Variants in RBM19 observed in about 807,000 individuals in gnomAD.
RBM19 encodes the protein RNA binding motif protein 19, also known as probable RNA-binding protein 19.
Under a neutral mutation model 116.8 loss-of-function variants are expected in RBM19, and 94 were observed. That is an observed-to-expected ratio of 0.80 (90% CI 0.68 to 0.95). RBM19 has a LOEUF of 0.95. Among genes scored for constraint, RBM19 ranks in the 40% least tolerant of loss-of-function variants. RBM19 has a pLI of 0.00. For synonymous variants in RBM19, 475 were observed against 494.1 expected (o/e 0.96, Z 0.51); for missense variants, 1,161 against 1,220.7 (o/e 0.95, Z 0.73).
At chr12:113,828,166 AAG>A (rs959333709) in intron 23 of RBM19, among the ~76,000 whole-genome samples, 7 of 151,928 alleles carry the variant, frequency 4.6e-5, no homozygotes, top group Non-Finnish European at 8.8e-5. Context: ...GGGCCCACAG[AAG>A]AGTGTCTGGA....
chr12:113,906,308 T>C (rs532358249), intron 21 of RBM19, among the ~76,000 whole-genome samples: 6 of 152,310 alleles, frequency 3.9e-5, no homozygotes, highest in African/African-American at 4.8e-5. Flanking sequence ...AACTGCAACA[T>C]AGCAAGTGCG....
intron 1 of RBM19, among the ~76,000 whole-genome samples, chr12:113,962,814 C>G (rs1872615159): frequency 6.6e-6 from 1 of 152,154 alleles, no homozygotes; most frequent in Non-Finnish European, 1.5e-5. Flanking sequence ...TAAAGCCCCC[C>G]CAAAAGATGC....
intron 13 of RBM19, among the ~76,000 whole-genome samples, chr12:113,944,823 GTA>G (rs143337732): frequency 0.012 from 1,632 of 137,952 alleles, 12 homozygotes; most frequent in African/African-American, 0.04. Context: ...ATATACATGT[GTA>G]TATATGTATA....
chr12:113,944,481 TAGAC>T (rs1177768604), intron 13 of RBM19, among the ~76,000 whole-genome samples: 1 of 152,042 alleles, frequency 6.6e-6, no homozygotes. Context: ...CAAAGTACCT[TAGAC>T]AAAGTATACT....
chr12:113,923,154 A>G (rs1868738083), intron 18 of RBM19, among the ~76,000 whole-genome samples: 1 of 152,092 alleles, frequency 6.6e-6, no homozygotes, highest in Non-Finnish European at 1.5e-5. Flanking sequence ...AATAAATTAA[A>G]TGCAGTCATT....
chr12:113,915,486 T>C (rs1223305964), intron 20 of RBM19, among the ~76,000 whole-genome samples: 2 of 152,286 alleles, frequency 1.3e-5, no homozygotes, highest in Middle Eastern at 3.4e-3. Flanking sequence ...AGGAGGAACA[T>C]GCGGGGGCCT....
chr12:113,856,702 G>A (rs1409678420), intron 22 of RBM19, among the ~76,000 whole-genome samples: 1 of 152,094 alleles, frequency 6.6e-6, no homozygotes, highest in South Asian at 2.1e-4. Context: ...CCCAGTGGGT[G>A]GCCAAATAAG....
In RBM19 at chr12:113,853,339, C is replaced by T. The variant is rs915321312; in HGVS notation, c.2664+5452G>A. Among the ~76,000 whole-genome samples, 3 of 152,218 alleles carry T rather than the reference C, an allele frequency of 2.0e-5. No individual in the cohort carries two copies. In the South Asian group the frequency reaches 6.2e-4, roughly 32 times the overall value. ...CGCGTCTCCCTACTGCTGGCTCCCCCCAAGTGTTTATTTAAGCCAACACAT... is the reference window on the plus strand; with the variant it reads ...CGCGTCTCCCTACTGCTGGCTCCCCTCAAGTGTTTATTTAAGCCAACACAT... On this transcript the variant is annotated intron_variant, in intron 22 of 23. Transcript: ENST00000261741.
chr12:113,827,053 C>T (rs1302427775), intron 23 of RBM19, among the ~76,000 whole-genome samples: 6 of 152,206 alleles, frequency 3.9e-5, no homozygotes, highest in South Asian at 2.1e-4. Context: ...CCGCACCTCC[C>T]GCTGGCCCTG....
At position 113,940,118 on chromosome 12, in the gene RBM19, G is replaced by T. The variant is rs565989389; in HGVS notation, c.1780C>A (p.Leu594Ile). The stretch of plus-strand genomic sequence containing the variant: ...TGGGCCGCCAGGGTGCCTGCCGGGA[G>T]GTTCTTGACCAGAATCACAGTCTTG... ...RSKTVILVKN[L>I]PAGTLAAQLQ... The change falls in exon 15 of 24, where the codon CTC (leucine) becomes ATC (isoleucine). Residue 594 changes from leucine to isoleucine, a missense_variant. By Grantham distance (5) the Leu-to-Ile change is conservative (BLOSUM62 2). Transcript: ENST00000261741. 5.0e-6 allele frequency: 8 copies of T among 1,614,170 alleles called. No homozygotes were observed. The Admixed American group carries it at 5.0e-5, about 10-fold the overall frequency.
chr12:113,837,937 C>T (rs889537403), intron 23 of RBM19, among the ~76,000 whole-genome samples: 1 of 152,232 alleles, frequency 6.6e-6, no homozygotes, highest in African/African-American at 2.4e-5. Flanking sequence ...TAAACTCCTA[C>T]ACACTAATGT....
At chr12:113,899,243 G>A (rs1881526819) in intron 21 of RBM19, among the ~76,000 whole-genome samples, 1 of 152,210 alleles carries the variant, frequency 6.6e-6, no homozygotes, top group Non-Finnish European at 1.5e-5. Flanking sequence ...CACACAGCTA[G>A]TTAGCAGCAG....
At chr12:113,942,041 C>G (rs1243783037) in intron 14 of RBM19, among the ~76,000 whole-genome samples, 1 of 152,116 alleles carries the variant, frequency 6.6e-6, no homozygotes, top group East Asian at 1.9e-4. Context: ...CTCTGGGAAG[C>G]CACTGGGTAG....
chr12:113,921,074 C>A (rs933357328), intron 18 of RBM19, among the ~76,000 whole-genome samples: 1 of 152,176 alleles, frequency 6.6e-6, no homozygotes, highest in African/African-American at 2.4e-5. Context: ...TGAATATGTG[C>A]GTGAGAGTCA....
intron 23 of RBM19, among the ~76,000 whole-genome samples, chr12:113,844,270 C>T (rs1816061867): frequency 6.6e-6 from 1 of 152,216 alleles, no homozygotes; most frequent in Admixed American, 6.5e-5. Flanking sequence ...AGGCCGTGAG[C>T]ATCCCTGCCC....
At chr12:113,851,257 T>C (rs1877421160) in intron 22 of RBM19, among the ~76,000 whole-genome samples, 1 of 152,186 alleles carries the variant, frequency 6.6e-6, no homozygotes, top group Non-Finnish European at 1.5e-5. Flanking sequence ...TGATGCTGTC[T>C]GAACTCTTCA....
intron 8 of RBM19, among the ~76,000 whole-genome samples, chr12:113,951,667 C>CT (rs1871476803): frequency 6.6e-6 from 1 of 152,316 alleles, no homozygotes; most frequent in East Asian, 1.9e-4. Context: ...TGTAATCAGT[C>CT]TGCAAGGAGA....
chr12:113,919,692 G>A (rs548408528), intron 19 of RBM19, among the ~76,000 whole-genome samples: 16 of 152,288 alleles, frequency 1.1e-4, no homozygotes, highest in Non-Finnish European at 1.6e-4. Flanking sequence ...ATCTGTCCTT[G>A]TACTTAGGAT....
At chr12:113,876,943 G>A (rs1308956740) in intron 21 of RBM19, among the ~76,000 whole-genome samples, 1 of 152,204 alleles carries the variant, frequency 6.6e-6, no homozygotes, top group African/African-American at 2.4e-5. Context: ...CTGTGTCCTC[G>A]GAGCCAGTGA....
Sources: gnomAD v4.1 joint callset for allele counts (sites outside exome capture counted in the v4.1 genomes callset) on GRCh38, gnomAD v4.1.1 for gene constraint, MANE v1.5 for transcripts, NCBI Gene and HGNC (gene_info 2026-07-23, HGNC 2026-07-21) for gene names.